The following RBM14 variants were observed in gnomAD, a reference collection of about 807,000 sequenced individuals.
RBM14 encodes the protein RNA-binding protein 14.
A neutral mutation model predicts 52.8 loss-of-function variants in RBM14; 5 were observed. The observed-to-expected ratio is 0.09, with a 90% confidence interval of 0.05 to 0.20. The LOEUF (loss-of-function observed/expected upper bound fraction) is 0.20. RBM14 is among the 10% of genes least tolerant of loss of function. The pLI is 1.00. For synonymous variants in RBM14, 411 were observed against 401.8 expected, an observed-to-expected ratio of 1.02 and a Z score of -0.28; for missense variants, 780 against 926.6, an observed-to-expected ratio of 0.84 and a Z score of 2.05.
At chr11:66,617,230 TC>T in intron 1 of RBM14, 173 bp downstream of exon 1, 1 of 1,418,254 alleles carries the variant, frequency 7.1e-7, no homozygotes, top group Non-Finnish European at 9.2e-7. Context: ...TCCCCTGCGG[TC>T]CAGGAACCGT....
rs895481030 is a variant in RBM14 at position 66,627,423 on chromosome 11, A to C, written c.*755A>C. ...CAGGAAGACATGATAGCTAAAGGGA[A>C]GGCAGTCAGAGAACCCAGGACTGGT... On this transcript the variant is annotated 3_prime_UTR_variant, in exon 3 of 3. Transcript: ENST00000310137. 1 of 152,220 alleles carries C rather than the reference A, an allele frequency of 6.6e-6. No homozygotes were observed. Among genetic ancestry groups the C allele is most frequent in the African/African-American group, 2.4e-5 (1 of 41,454 alleles). 9.4% of individuals were successfully genotyped at this position (152,220 alleles called of 1,614,324 possible).
At chr11:66,618,578 T>C (rs1307225577) in intron 1 of RBM14, 2 of 717,302 alleles carry the variant, frequency 2.8e-6, no homozygotes, top group East Asian at 5.4e-5. Flanking sequence ...GGATTTTTGC[T>C]TTTGTTTAGA....
chr11:66,619,760 G>T (rs1859017531), intron 1 of RBM14, among the ~76,000 whole-genome samples: 1 of 152,116 alleles, frequency 6.6e-6, no homozygotes, highest in African/African-American at 2.4e-5. Flanking sequence ...TAGAGACGGG[G>T]TTTCACTGTG....
Position 66,626,573 on chromosome 11 carries a change from C to G in RBM14, c.1915C>G (p.Pro639Ala), listed in dbSNP as rs1036599006. ...GTCCTCGCTGGATTACCGTCGCCTG[C>G]CCGATGCCCATTCCGATTACGCACG... The part of the protein sequence containing the change: ...TKSSLDYRRL[P>A]DAHSDYARYS... The change falls in exon 3 of 3, where the codon CCC (proline) becomes GCC (alanine). Residue 639 changes from proline (P) to alanine (A), a missense_variant. Around this residue, in one of 4 missense-constraint regions of RBM14, gnomAD observed 675 missense variants for 697.3 expected, o/e 0.97. Transcript: ENST00000310137. 1.2e-6 allele frequency: 2 copies of G among 1,613,820 alleles called. No homozygotes were observed. The highest frequency in any genetic ancestry group is 3.3e-5 in the Admixed American group (2 of 60,008).
chr11:66,622,558 C>A (rs1278434835), intron 1 of RBM14, among the ~76,000 whole-genome samples: 1 of 152,196 alleles, frequency 6.6e-6, no homozygotes, highest in Non-Finnish European at 1.5e-5. Flanking sequence ...TATAACAAGT[C>A]AGTGATACCT....
chr11:66,623,148 T>G (rs1038823685), intron 1 of RBM14, among the ~76,000 whole-genome samples: 3 of 152,222 alleles, frequency 2.0e-5, no homozygotes, highest in Non-Finnish European at 4.4e-5. Flanking sequence ...GCTGCAGTAA[T>G]TGCAGCTTCA....
Position 66,626,597 on chromosome 11 carries a change from C to T in RBM14, c.1939C>T (p.Arg647Cys), listed in dbSNP as rs1937819146. The change falls in exon 3 of 3, where the codon CGC becomes TGC. Residue 647 changes from arginine (R) to cysteine (C), a missense_variant. By Grantham distance (180) the Arg-to-Cys change is radical. This residue lies in a region of RBM14 where 675 missense variants were observed against 697.3 expected (regional missense o/e 0.97). Transcript: ENST00000310137. ...RLPDAHSDYA[R>C]YSGSYNDYLR... is the part of the protein sequence containing the mutation. Reference sequence around the variant, plus strand: ...GCCCGATGCCCATTCCGATTACGCACGCTATTCGGGCTCCTATAATGATTA... The same window carrying T: ...GCCCGATGCCCATTCCGATTACGCATGCTATTCGGGCTCCTATAATGATTA... 3 of 1,613,670 alleles carry T rather than the reference C, an allele frequency of 1.9e-6. No homozygotes were observed. The highest frequency in any genetic ancestry group is 2.5e-6 in the Non-Finnish European group (3 of 1,180,030).
intron 1 of RBM14, chr11:66,618,634 C>T: frequency 4.2e-6 from 3 of 711,592 alleles, no homozygotes; most frequent in Admixed American, 2.0e-5. Context: ...ACTTGTCCAG[C>T]AAAAGGGTGG....
At chr11:66,626,090 G>A (rs1012247834) in intron 2 of RBM14, among the ~76,000 whole-genome samples, 2 of 152,202 alleles carry the variant, frequency 1.3e-5, no homozygotes, top group African/African-American at 4.8e-5. Context: ...GCAAGTTTAC[G>A]AGGTGCGTCC....
In RBM14 at chr11:66,624,627, G is replaced by T; in HGVS notation, c.751G>T (p.Ala251Ser). ...PSVSLGAAYR[A>S]QPSASLGVGY... Reference sequence around the variant, plus strand: ...CGTGTCACTGGGAGCTGCCTACAGGGCCCAGCCTTCTGCCTCTTTGGGTGT... The same window carrying T: ...CGTGTCACTGGGAGCTGCCTACAGGTCCCAGCCTTCTGCCTCTTTGGGTGT... The change falls in exon 2 of 3, where the codon GCC becomes TCC. Residue 251 changes from alanine to serine, a missense_variant. Ala to Ser is a moderately conservative substitution (Grantham distance 99, BLOSUM62 1). Transcript: ENST00000310137. The surrounding 1 kb of genome is among the most constrained non-coding windows in gnomAD (Gnocchi z 4.7). 1 of 1,612,698 alleles carries T rather than the reference G, an allele frequency of 6.2e-7. No homozygotes were observed. Among genetic ancestry groups the T allele is most frequent in the Non-Finnish European group, 8.5e-7 (1 of 1,179,966 alleles).
intron 2 of RBM14, 143 bp from the exon 3 acceptor site, chr11:66,626,318 T>A (rs1251812387): frequency 2.4e-6 from 2 of 826,620 alleles, no homozygotes; most frequent in African/African-American, 3.4e-5. Context: ...GATAGGGTGA[T>A]GAGCCTTCTG....
Position 66,625,643 on chromosome 11 carries a change from C to A in RBM14, c.1767C>A (p.Asp589Glu). The change falls in exon 2 of 3, where the codon GAC becomes GAA. Residue 589 changes from aspartate (D) to glutamate (E), a missense_variant. Physicochemically the swap from Asp to Glu is conservative, Grantham distance 45 (BLOSUM62 2). Around this residue, in one of 4 missense-constraint regions of RBM14, gnomAD observed 675 missense variants for 697.3 expected, o/e 0.97. Transcript: ENST00000310137. This position sits in a 1 kb window ranked among gnomAD's most constrained non-coding sequence, Gnocchi z 4.2. The stretch of plus-strand genomic sequence containing the variant: ...TCTCCCCACCCCGGGCCAGCTACGA[C>A]GATCCCTACAAAAAGGCTGTCGCCA... Reference protein sequence around the residue: ...TRLSPPRASYDDPYKKAVAMS... With the variant: ...TRLSPPRASYEDPYKKAVAMS... 6.2e-7 allele frequency: 1 copy of A among 1,612,576 alleles called. No individual in the cohort carries two copies. Among genetic ancestry groups the A allele is most frequent in the Non-Finnish European group, 8.5e-7 (1 of 1,179,968 alleles).
Position 66,624,199 on chromosome 11 carries a change from C to T in RBM14, c.338-15C>T. The T allele has an allele frequency of 1.9e-6, 3 of 1,560,710 alleles. 1 individual carries two copies. The highest frequency in any genetic ancestry group is 2.4e-5 in the South Asian group (2 of 83,210). On this transcript the variant is annotated splice_polypyrimidine_tract_variant and intron_variant, in intron 1 of 2. Transcript: ENST00000310137. The surrounding 1 kb of genome is among the most constrained non-coding windows in gnomAD (Gnocchi z 4.7). ...GCCCCCCTAATTGCTAACCCTCTGT[C>T]TGCTGCTTTATCAGACTACGCGTTT...
Position 66,625,571 on chromosome 11 carries a change from C to A in RBM14, c.1695C>A (p.Ala565=). Residue 565 remains alanine (A), a synonymous_variant, in exon 2 of 3, where the codon GCC becomes GCA. Coordinates refer to ENST00000310137, the MANE Select transcript of RBM14 (RefSeq NM_006328.4). This position sits in a 1 kb window ranked among gnomAD's most constrained non-coding sequence, Gnocchi z 4.2. The stretch of plus-strand genomic sequence containing the variant: ...CCTACCTGTCCATGTCCCAGGGGGC[C>A]GTTGCCAACGCCAACAGCACCCCGC... The part of the protein sequence containing the change: ...SAAYLSMSQG[A]VANANSTPPP... 6.2e-7 allele frequency: 1 copy of A among 1,611,928 alleles called. No homozygotes were observed. Among genetic ancestry groups the A allele is most frequent in the South Asian group, 1.1e-5 (1 of 91,012 alleles).
chr11:66,621,488 C>T (rs1859110891), intron 1 of RBM14, among the ~76,000 whole-genome samples: 1 of 152,070 alleles, frequency 6.6e-6, no homozygotes, highest in African/African-American at 2.4e-5. Context: ...AGTGATTCTC[C>T]TGCCTCGGCT....
Position 66,625,829 on chromosome 11 carries a change from C to CT in RBM14, c.1802+152dup. On this transcript the variant is annotated intron_variant, in intron 2 of 2. Coordinates refer to ENST00000310137, the MANE Select transcript of RBM14 (RefSeq NM_006328.4). The surrounding 1 kb of genome is among the most constrained non-coding windows in gnomAD (Gnocchi z 4.2). ...GTCCAGAGGCCGAGGGGAGCAGTGT[C>CT]TATGAACTTTCCTGGTCACCAGGGT... The CT allele has an allele frequency of 1.5e-6, 1 of 655,190 alleles. No individual in the cohort carries two copies. The highest frequency in any genetic ancestry group is 3.6e-4 in the Middle Eastern group (1 of 2,810). 40.6% of individuals were successfully genotyped at this position (655,190 alleles called of 1,614,324 possible). A position where few individuals can be genotyped will look rare whatever the true frequency, so the allele number is the denominator to read the frequency against.
At position 66,624,147 on chromosome 11, in the gene RBM14, T is replaced by G; in HGVS notation, c.338-67T>G. The stretch of plus-strand genomic sequence containing the variant: ...CAGCTGGGTGCTGTTGTGTGTCCAA[T>G]TTGGGACCCATCAGGTAGCATGCCC... On this transcript the variant is annotated intron_variant, in intron 1 of 2. Transcript: ENST00000310137. This position sits in a 1 kb window ranked among gnomAD's most constrained non-coding sequence, Gnocchi z 4.7. 3.2e-6 allele frequency: 5 copies of G among 1,540,818 alleles called. No homozygotes were observed. The highest frequency in any genetic ancestry group is 4.4e-6 in the Non-Finnish European group (5 of 1,142,838).
rs1377066508 is a variant in RBM14 at position 66,628,539 on chromosome 11, C to T, written c.*1871C>T. Among the ~76,000 whole-genome samples, 2 of 152,106 alleles carry T rather than the reference C, an allele frequency of 1.3e-5. No individual in the cohort carries two copies. Among genetic ancestry groups the T allele is most frequent in the African/African-American group, 4.8e-5 (2 of 41,404 alleles). ...CTAACTGGGGTAATCTCAGGGAGTA[C>T]TGGGGCCATGGCTCTTTCCCTTGCT... On this transcript the variant is annotated 3_prime_UTR_variant, in exon 3 of 3. Transcript: ENST00000310137.
In RBM14 at chr11:66,625,226, C is replaced by T. The variant is rs149650693; in HGVS notation, c.1350C>T (p.Ala450=). ...AAYASQPAAY[A]AQATTPMAGS... The stretch of plus-strand genomic sequence containing the variant: ...ATGCCAGCCAGCCAGCAGCCTACGC[C>T]GCACAAGCCACTACCCCAATGGCTG... Residue 450 remains alanine, a synonymous_variant, in exon 2 of 3, where the codon GCC becomes GCT. Transcript: ENST00000310137. The surrounding 1 kb of genome is among the most constrained non-coding windows in gnomAD (Gnocchi z 4.2). 8.6e-5 allele frequency: 138 copies of T among 1,611,426 alleles called. 1 individual carries two copies. In the African/African-American group the frequency reaches 1.3e-3, roughly 15 times the overall value.
Sources: gnomAD v4.1 joint callset for allele counts (sites outside exome capture counted in the v4.1 genomes callset) on GRCh38, gnomAD v4.1.1 for gene constraint, gnomAD v4.1.1 regional missense constraint, Gnocchi (gnomAD v3.1) non-coding constraint, MANE v1.5 for transcripts, NCBI Gene and HGNC (gene_info 2026-07-23, HGNC 2026-07-21) for gene names.